The following BCAT1 variants were observed in gnomAD, a reference collection of about 807,000 sequenced individuals.
The protein encoded by BCAT1 is branched-chain-amino-acid aminotransferase, cytosolic.
In BCAT1, 48 loss-of-function variants were observed where a neutral mutation model predicts 52.4. That is an observed-to-expected ratio of 0.92 (90% CI 0.73 to 1.16). The LOEUF is 1.16. BCAT1 is among the 50% of genes most tolerant of loss of function. The pLI, the probability that BCAT1 is intolerant of heterozygous loss-of-function variation, is 0.00. For missense variants in BCAT1, 451 were observed against 457.1 expected, an observed-to-expected ratio of 0.99 and a Z score of 0.12; for synonymous variants, 167 against 161.3, an observed-to-expected ratio of 1.04 and a Z score of -0.27.
At position 24,912,675 on chromosome 12, in the gene BCAT1, G is replaced by A. The variant is rs184557104; in HGVS notation, c.7-10790C>T. The stretch of plus-strand genomic sequence containing the variant: ...AGTCCAGAAGCTTGAGACTAGCCTG[G>A]ACAACACAGTGAGACCCCATCTCTA... On this transcript the variant is annotated intron_variant, in intron 1 of 10. Transcript: ENST00000261192. Among the ~76,000 whole-genome samples, 8 of 147,782 alleles carry A rather than the reference G, an allele frequency of 5.4e-5. No homozygotes were observed. The East Asian group carries it at 1.4e-3, about 26-fold the overall frequency.
chr12:24,842,213 G>GA lies in BCAT1; in HGVS notation c.685dup (p.Ser229PhefsTer8). The GA allele has an allele frequency of 6.2e-7, 1 of 1,613,866 alleles. No homozygotes were observed. Among genetic ancestry groups the GA allele is most frequent in the South Asian group, 1.1e-5 (1 of 91,078 alleles). ...TGCTTCACATTGGGCAAAAAGAGATGAGCCGTAATTCCTTTAAGAAAGAGA... is the reference window on the plus strand; with the variant it reads ...TGCTTCACATTGGGCAAAAAGAGATGAAGCCGTAATTCCTTTAAGAAAGAGA... On this transcript the variant is annotated frameshift_variant, in exon 7 of 11. Transcript: ENST00000261192. LOFTEE classifies it high-confidence loss of function.
At chr12:24,869,759 C>T (rs566129752) in intron 5 of BCAT1, among the ~76,000 whole-genome samples, 48 of 152,280 alleles carry the variant, frequency 3.2e-4, no homozygotes, top group Middle Eastern at 3.4e-3. Context: ...GGAGAGGGAA[C>T]GGAGGCAAAG....
chr12:24,826,304 G>C (rs895939497), intron 10 of BCAT1, among the ~76,000 whole-genome samples: 5 of 152,138 alleles, frequency 3.3e-5, no homozygotes, highest in Admixed American at 6.6e-5. Context: ...ACTTTCATTT[G>C]ATTTCTGTGT....
rs550930459 is a variant in BCAT1 at position 24,812,892 on chromosome 12, T to C, written c.*5116A>G. 3 of 152,126 alleles carry C rather than the reference T, an allele frequency of 2.0e-5. No homozygotes were observed. Among genetic ancestry groups the C allele is most frequent in the African/African-American group, 7.2e-5 (3 of 41,568 alleles). The allele number at this position is 152,126 out of a possible 1,614,324, so 9.4% of individuals were successfully genotyped here. On this transcript the variant is annotated 3_prime_UTR_variant, in exon 11 of 11. Transcript: ENST00000261192. ...ACATCAATTCTTACCATCCCAACAG[T>C]AGATTACATAAACTGAACATCATGC...
At chr12:24,871,493 A>T (rs1942182909) in intron 5 of BCAT1, among the ~76,000 whole-genome samples, 1 of 152,222 alleles carries the variant, frequency 6.6e-6, no homozygotes, top group Non-Finnish European at 1.5e-5. Flanking sequence ...CTCTTACATA[A>T]ATTAAAATTA....
At chr12:24,934,804 C>T (rs989943203) in intron 1 of BCAT1, among the ~76,000 whole-genome samples, 12 of 152,200 alleles carry the variant, frequency 7.9e-5, no homozygotes, top group Non-Finnish European at 1.6e-4. Flanking sequence ...CCACCTGTTT[C>T]AGCCTCCCAA....
rs73291744 is a variant in BCAT1 at position 24,823,815 on chromosome 12, G to A, written c.1120-5766C>T. On this transcript the variant is annotated intron_variant, in intron 10 of 10. Transcript: ENST00000261192. ...TCCTGTATGGCCTGCAGAACTGAGC[G>A]TCAATAAAACCTCTTTTCTTTACAA... 3.1e-3 allele frequency among the ~76,000 whole-genome samples: 476 copies of A among 152,254 alleles called. 3 individuals are homozygous for A. Among genetic ancestry groups the A allele is most frequent in the African/African-American group, 9.8e-3 (407 of 41,548 alleles).
At chr12:24,870,006 G>A (rs1300734435) in intron 5 of BCAT1, among the ~76,000 whole-genome samples, 2 of 140,888 alleles carry the variant, frequency 1.4e-5, no homozygotes, top group Non-Finnish European at 3.1e-5. Context: ...GTGTATATAT[G>A]TGTGTGTGTG....
At chr12:24,922,163 C>G (rs1211916095) in intron 1 of BCAT1, among the ~76,000 whole-genome samples, 1 of 151,900 alleles carries the variant, frequency 6.6e-6, no homozygotes, top group Non-Finnish European at 1.5e-5. Flanking sequence ...AAGATTGTTC[C>G]TTTTTTTTGA....
intron 1 of BCAT1, among the ~76,000 whole-genome samples, chr12:24,906,160 C>T (rs1943222138): frequency 6.6e-6 from 1 of 151,160 alleles, no homozygotes; most frequent in South Asian, 2.1e-4. Context: ...ACTGCACTTG[C>T]CTGGGTGACA....
intron 3 of BCAT1, among the ~76,000 whole-genome samples, chr12:24,886,285 C>T (rs568488433): frequency 2.2e-4 from 34 of 152,136 alleles, no homozygotes; most frequent in African/African-American, 8.0e-4. Flanking sequence ...GAGCATGGTG[C>T]TGCACACCTG....
chr12:24,902,888 G>T, intron 1 of BCAT1: 1 of 1,514,384 alleles, frequency 6.6e-7, no homozygotes, highest in Non-Finnish European at 8.8e-7. Context: ...AGGCCCGCGA[G>T]CTACCGAGAC....
chr12:24,846,657 T>C (rs964431000), intron 6 of BCAT1, among the ~76,000 whole-genome samples: 1 of 152,286 alleles, frequency 6.6e-6, no homozygotes, highest in Non-Finnish European at 1.5e-5. Flanking sequence ...TTACTACAGG[T>C]TGAGGATCCC....
chr12:24,908,601 C>A (rs149831829), intron 1 of BCAT1, among the ~76,000 whole-genome samples: 2 of 151,982 alleles, frequency 1.3e-5, no homozygotes, highest in African/African-American at 4.8e-5. Context: ...ATTAGTTGGG[C>A]GTGGTGCCAT....
At chr12:24,820,227 T>G (rs1940058993) in intron 10 of BCAT1, among the ~76,000 whole-genome samples, 1 of 152,208 alleles carries the variant, frequency 6.6e-6, no homozygotes, top group African/African-American at 2.4e-5. Context: ...AGCTTTACTC[T>G]TCTCATTCTG....
chr12:24,839,972 G>A (rs1025867191), intron 7 of BCAT1, among the ~76,000 whole-genome samples: 2 of 151,050 alleles, frequency 1.3e-5, no homozygotes, highest in South Asian at 2.1e-4. Context: ...AATTTTATTT[G>A]TTCTGTTAGA....
chr12:24,865,757 A>T (rs1442564147), intron 5 of BCAT1, among the ~76,000 whole-genome samples: 1 of 152,226 alleles, frequency 6.6e-6, no homozygotes, highest in Non-Finnish European at 1.5e-5. Flanking sequence ...TGTTATCAAC[A>T]ATCTAATAAT....
chr12:24,946,299 T>C (rs181948651), intron 1 of BCAT1, among the ~76,000 whole-genome samples: 81 of 152,190 alleles, frequency 5.3e-4, no homozygotes, highest in African/African-American at 1.9e-3. Context: ...AAATATATAA[T>C]TAGGAAAACA....
chr12:24,895,466 CAG>C (rs777834150), intron 2 of BCAT1, among the ~76,000 whole-genome samples: 69 of 150,008 alleles, frequency 4.6e-4, no homozygotes, highest in Admixed American at 8.0e-4. Context: ...GCGGAGGTTG[CAG>C]AGAGTCAAGA....
Sources: gnomAD v4.1 joint callset for allele counts (sites outside exome capture counted in the v4.1 genomes callset) on GRCh38, gnomAD v4.1.1 for gene constraint, MANE v1.5 for transcripts, NCBI Gene and HGNC (gene_info 2026-07-23, HGNC 2026-07-21) for gene names.